RIC3: variants seen among roughly 807,000 people sequenced by gnomAD.
RIC3 encodes the protein protein RIC-3.
A neutral mutation model predicts 27.3 loss-of-function variants in RIC3; 28 were observed. That is an observed-to-expected ratio of 1.02 (90% CI 0.76 to 1.41). The LOEUF (loss-of-function observed/expected upper bound fraction) is 1.41, where lower values mean the gene tolerates loss of function less well. Ranked by LOEUF, RIC3 falls within the 40% of genes most tolerant of loss-of-function variation. The probability of loss-of-function intolerance (pLI) is 0.00; values close to 1 mark genes in which losing one functional copy is unlikely to be tolerated. For missense variants in RIC3, 501 were observed against 444.7 expected (o/e 1.13, Z -1.14); for synonymous variants, 184 against 160.4 (o/e 1.15, Z -1.11).
chr11:8,098,533 T>G, the RIC3 span, among the ~76,000 whole-genome samples: 197 of 152,266 alleles, frequency 1.3e-3, no homozygotes, highest in African/African-American at 4.6e-3. Context: ...CCTGAATTGC[T>G]CTCACTGAAC....
rs1230960074 is a variant in RIC3, at chr11:8,139,950, A to G, written c.351+17T>C. 2 of 1,592,496 alleles carry G rather than the reference A, an allele frequency of 1.3e-6. No individual in the cohort carries two copies. Among genetic ancestry groups the G allele is most frequent in the East Asian group, 2.2e-5 (1 of 44,798 alleles). On this transcript the variant is annotated intron_variant, in intron 2 of 5. Coordinates refer to ENST00000309737, the MANE Select transcript of RIC3 (RefSeq NM_001206671.4). ...AGATTTTCATTGATGTAATATGATT[A>G]GGATGATTCTACTTACCTTAAATAG...
intron 1 of RIC3, among the ~76,000 whole-genome samples, chr11:8,167,640 TAAAAAA>T (rs34530108): frequency 6.0e-4 from 80 of 134,138 alleles, no homozygotes; most frequent in Non-Finnish European, 1.1e-3. Context: ...TAATGGAAAG[TAAAAAA>T]AAAAAAAAAA....
At chr11:8,128,992 GA>G (rs1947346318) in intron 4 of RIC3, among the ~76,000 whole-genome samples, 1 of 151,908 alleles carries the variant, frequency 6.6e-6, no homozygotes, top group South Asian at 2.1e-4. Context: ...CTGACCTCGT[GA>G]TCCGCCCGCC....
At chr11:8,096,830 C>T in the RIC3 span, 4 of 1,613,922 alleles carry the variant, frequency 2.5e-6, no homozygotes, top group African/African-American at 5.3e-5. Context: ...TCTGCATCCA[C>T]AGCAGTTTTT....
chr11:8,145,203 A>T (rs1202261693), intron 1 of RIC3, among the ~76,000 whole-genome samples: 3 of 43,000 alleles, frequency 7.0e-5, no homozygotes, highest in Non-Finnish European at 7.2e-5. Flanking sequence ...AAAAAAAATT[A>T]AAAAAAAAAA....
At chr11:8,094,273 G>A in the RIC3 span, 3 of 1,473,182 alleles carry the variant, frequency 2.0e-6, no homozygotes, top group South Asian at 1.4e-5. Context: ...CTGACTTGGA[G>A]GGGAGGGATA....
the RIC3 span, chr11:8,094,186 A>G: frequency 1.9e-6 from 3 of 1,611,748 alleles, no homozygotes. Flanking sequence ...GGGAAAGCAC[A>G]AAGGTCAGCT....
At chr11:8,096,598 T>A in the RIC3 span, 2 of 891,900 alleles carry the variant, frequency 2.2e-6, no homozygotes, top group Non-Finnish European at 3.8e-6. Context: ...TGAGTCAGTG[T>A]CTGAACATGA....
chr11:8,095,656 C>G, the RIC3 span: 1 of 1,600,106 alleles, frequency 6.2e-7, no homozygotes, highest in East Asian at 2.3e-5. Flanking sequence ...TGCCACGATG[C>G]AGAGGAAGGG....
At chr11:8,131,900 C>CAAAAAAA (rs796158730) in intron 4 of RIC3, among the ~76,000 whole-genome samples, 14 of 26,188 alleles carry the variant, frequency 5.3e-4, no homozygotes, top group Admixed American at 1.3e-3. Context: ...GACTCCATCT[C>CAAAAAAA]AAAAAAAAAA....
At chr11:8,114,811 A>G (rs1042934089) in intron 5 of RIC3, among the ~76,000 whole-genome samples, 1 of 152,154 alleles carries the variant, frequency 6.6e-6, no homozygotes. Flanking sequence ...CAGAAATTCT[A>G]CAGCTGAAAA....
At chr11:8,166,261 C>T (rs1951687475) in intron 1 of RIC3, among the ~76,000 whole-genome samples, 1 of 152,140 alleles carries the variant, frequency 6.6e-6, no homozygotes, top group Non-Finnish European at 1.5e-5. Flanking sequence ...GTGGCCGCCT[C>T]AAAGCATGGA....
At chr11:8,146,504 C>T (rs982318725) in intron 1 of RIC3, among the ~76,000 whole-genome samples, 5 of 152,258 alleles carry the variant, frequency 3.3e-5, no homozygotes, top group African/African-American at 1.2e-4. Flanking sequence ...GAACTGAGAA[C>T]TGCCTTTAAG....
rs527813753 is a variant in RIC3, at chr11:8,110,485, C to T, written c.*213G>A. ...AGAGGAAAGGCAGGAAGAGAAAGAG[C>T]GAAGCTGTCCTGTGTTCACACTAAT... On this transcript the variant is annotated 3_prime_UTR_variant, in exon 6 of 6. Coordinates refer to ENST00000309737, the MANE Select transcript of RIC3 (RefSeq NM_001206671.4). 2.2e-5 allele frequency: 14 copies of T among 624,604 alleles called. No homozygotes were observed. Among genetic ancestry groups the T allele is most frequent in the Admixed American group, 7.5e-5 (3 of 40,098 alleles). The allele number at this position is 624,604 out of a possible 1,614,324, so 38.7% of individuals were successfully genotyped here.
chr11:8,094,096 A>T, the RIC3 span: 1 of 1,614,192 alleles, frequency 6.2e-7, no homozygotes. Flanking sequence ...CACGCGCCCA[A>T]CAGCACCAGC....
chr11:8,112,802 T>C (rs755506861), intron 5 of RIC3, among the ~76,000 whole-genome samples: 2 of 152,236 alleles, frequency 1.3e-5, no homozygotes, highest in Admixed American at 6.5e-5. Context: ...ATTTAGATTC[T>C]TTCCAATTTT....
intron 4 of RIC3, among the ~76,000 whole-genome samples, chr11:8,127,387 G>A (rs1192342786): frequency 6.6e-6 from 1 of 152,118 alleles, no homozygotes; most frequent in Non-Finnish European, 1.5e-5. Context: ...GTCCACAGAG[G>A]AGAAATATTG....
downstream of RIC3, among the ~76,000 whole-genome samples, chr11:8,101,207 T>A (rs1311955813): frequency 6.6e-6 from 1 of 152,214 alleles, no homozygotes; most frequent in Non-Finnish European, 1.5e-5. Context: ...TTCTGTGTAT[T>A]CAACGGAGTC....
chr11:8,168,554 T>G (rs1951952008), intron 1 of RIC3, among the ~76,000 whole-genome samples: 1 of 152,116 alleles, frequency 6.6e-6, no homozygotes, highest in African/African-American at 2.4e-5. Context: ...GGTGACGAGA[T>G]GAGTTAAGCC....
Sources: allele counts gnomAD v4.1 joint callset (sites outside exome capture counted in the v4.1 genomes callset), GRCh38; gene constraint gnomAD v4.1.1; transcripts MANE v1.5; gene names NCBI Gene and HGNC (gene_info 2026-07-23, HGNC 2026-07-21).